Variants in C3orf33 observed in about 807,000 individuals in gnomAD.
C3orf33 encodes mitochondrial inner membrane subdomain organizer 1.
In C3orf33, 23 loss-of-function variants were observed where a neutral mutation model predicts 28.7. That is an observed-to-expected ratio of 0.80 (90% confidence interval 0.58 to 1.13). C3orf33 has a LOEUF of 1.13. C3orf33 is among the 50% of genes most tolerant of loss of function. The probability of loss-of-function intolerance (pLI) is 0.00; values close to 1 mark genes in which losing one functional copy is unlikely to be tolerated. For synonymous variants in C3orf33, 119 were observed against 120.5 expected (o/e 0.99, Z 0.08); for missense variants, 327 against 353.4 (o/e 0.93, Z 0.60).
intron 2 of C3orf33, among the ~76,000 whole-genome samples, chr3:155,785,158 CA>C (rs1187570291): frequency 1.3e-5 from 2 of 151,240 alleles, no homozygotes; most frequent in Non-Finnish European, 1.5e-5. Flanking sequence ...ATAAAATATT[CA>C]AAAAAAGCAA....
At chr3:155,776,367 TG>T (rs1750746732) in intron 2 of C3orf33, among the ~76,000 whole-genome samples, 1 of 152,204 alleles carries the variant, frequency 6.6e-6, no homozygotes, top group Non-Finnish European at 1.5e-5. Context: ...ACATTAGGAC[TG>T]TACTACAATC....
chr3:155,795,583 G>T (rs947990112), intron 2 of C3orf33, among the ~76,000 whole-genome samples: 1 of 152,088 alleles, frequency 6.6e-6, no homozygotes, highest in Non-Finnish European at 1.5e-5. Context: ...CAAACACATG[G>T]AAATTAAACA....
intron 1 of C3orf33, among the ~76,000 whole-genome samples, chr3:155,804,868 G>A (rs1402105787): frequency 6.6e-6 from 1 of 152,168 alleles, no homozygotes; most frequent in African/African-American, 2.4e-5. Flanking sequence ...ATATCCAGTT[G>A]CCAAGGACAG....
At chr3:155,785,244 T>C (rs1240750275) in intron 2 of C3orf33, among the ~76,000 whole-genome samples, 2 of 151,670 alleles carry the variant, frequency 1.3e-5, no homozygotes, top group Non-Finnish European at 2.9e-5. Context: ...AAGGGAGAAA[T>C]AGATAATTTT....
chr3:155,763,463 A>G lies in C3orf33; in HGVS notation c.*54T>C, dbSNP rs1239853284. 3.8e-6 allele frequency: 5 copies of G among 1,315,416 alleles called. No homozygotes were observed. The Admixed American group carries it at 1.7e-4, about 44-fold the overall frequency. 81.5% of individuals were successfully genotyped at this position (1,315,416 alleles called of 1,614,324 possible). A position where few individuals can be genotyped will look rare whatever the true frequency, so the allele number is the denominator to read the frequency against. On this transcript the variant is annotated 3_prime_UTR_variant, in exon 5 of 5. Coordinates refer to ENST00000340171, the MANE Select transcript of C3orf33 (RefSeq NM_001308229.2). Reference sequence around the variant, plus strand: ...TTTTGATTCAATGAAAAACGTCCATATATTTACATATTTCACTCTTTGGAG... The same window carrying G: ...TTTTGATTCAATGAAAAACGTCCATGTATTTACATATTTCACTCTTTGGAG...
chr3:155,791,294 C>A (rs918238609), intron 2 of C3orf33, among the ~76,000 whole-genome samples: 1 of 152,046 alleles, frequency 6.6e-6, no homozygotes, highest in African/African-American at 2.4e-5. Context: ...ACTCTAGAGC[C>A]CTTGGGTCTT....
chr3:155,799,970 A>G (rs1751592579), intron 2 of C3orf33, among the ~76,000 whole-genome samples: 1 of 152,330 alleles, frequency 6.6e-6, no homozygotes, highest in African/African-American at 2.4e-5. Flanking sequence ...GTATGAAAAT[A>G]TAATTAAATA....
intron 1 of C3orf33, among the ~76,000 whole-genome samples, chr3:155,803,489 G>A (rs1208588816): frequency 6.6e-5 from 10 of 150,662 alleles, no homozygotes; most frequent in Non-Finnish European, 1.2e-4. Flanking sequence ...CGTTTGAATC[G>A]GGGAGGCAGA....
At chr3:155,777,089 G>A (rs977582543) in intron 2 of C3orf33, among the ~76,000 whole-genome samples, 7 of 151,902 alleles carry the variant, frequency 4.6e-5, no homozygotes, top group African/African-American at 7.3e-5. Context: ...AGGCCGAGGC[G>A]GGAGGATCAC....
intron 1 of C3orf33, chr3:155,805,706 G>C: frequency 2.2e-6 from 1 of 454,748 alleles, no homozygotes; most frequent in Non-Finnish European, 4.4e-6. Flanking sequence ...GCTTGGGCCA[G>C]AGAGGAATAC....
At chr3:155,770,942 G>C (rs1280606169) in intron 3 of C3orf33, among the ~76,000 whole-genome samples, 1 of 146,456 alleles carries the variant, frequency 6.8e-6, no homozygotes, top group Non-Finnish European at 1.5e-5. Flanking sequence ...CCAAAGTGCT[G>C]GGATTACAGG....
At chr3:155,779,797 T>C (rs1222486504) in intron 2 of C3orf33, among the ~76,000 whole-genome samples, 1 of 152,246 alleles carries the variant, frequency 6.6e-6, no homozygotes, top group Non-Finnish European at 1.5e-5. Context: ...TCTGGTGTGT[T>C]TTCTTACAAT....
At chr3:155,804,474 G>T (rs1164546819) in intron 1 of C3orf33, among the ~76,000 whole-genome samples, 1 of 152,182 alleles carries the variant, frequency 6.6e-6, no homozygotes, top group South Asian at 2.1e-4. Flanking sequence ...CTACAATGAT[G>T]AGTGAAAACA....
chr3:155,778,910 G>A (rs1209574773), intron 2 of C3orf33, among the ~76,000 whole-genome samples: 2 of 152,180 alleles, frequency 1.3e-5, no homozygotes, highest in African/African-American at 2.4e-5. Flanking sequence ...AGAATGGCTG[G>A]TTGTTTGGAA....
At chr3:155,805,158 TAAAAAA>T (rs57906262) in intron 1 of C3orf33, among the ~76,000 whole-genome samples, 5 of 141,736 alleles carry the variant, frequency 3.5e-5, no homozygotes, top group South Asian at 2.2e-4. Context: ...GTGCTTCACT[TAAAAAA>T]AAAAAAAAAA....
At chr3:155,783,070 C>G (rs1695518) in intron 2 of C3orf33, among the ~76,000 whole-genome samples, 30,610 of 152,000 alleles carry the variant, frequency 0.2, 3,637 homozygotes, top group East Asian at 0.49. Context: ...ACAGCCAATA[C>G]TGGTATCCTG....
chr3:155,768,290 A>C (rs1433662588), intron 3 of C3orf33, among the ~76,000 whole-genome samples: 1 of 152,208 alleles, frequency 6.6e-6, no homozygotes, highest in Non-Finnish European at 1.5e-5. Context: ...ATAAAGCTAT[A>C]GGCCTTCAGT....
chr3:155,782,525 G>GCTTT (rs770049457), intron 2 of C3orf33, among the ~76,000 whole-genome samples: 10 of 152,124 alleles, frequency 6.6e-5, no homozygotes, highest in African/African-American at 2.4e-4. Context: ...TCACATAAAA[G>GCTTT]GATCCTTAAT....
intron 3 of C3orf33, among the ~76,000 whole-genome samples, chr3:155,768,498 C>T (rs2109251203): frequency 6.6e-6 from 1 of 152,196 alleles, no homozygotes; most frequent in African/African-American, 2.4e-5. Context: ...GACCTGTTTA[C>T]CCAAACCCTT....
Sources: allele counts gnomAD v4.1 joint callset (sites outside exome capture counted in the v4.1 genomes callset), GRCh38; gene constraint gnomAD v4.1.1; transcripts MANE v1.5; gene names NCBI Gene and HGNC (gene_info 2026-07-23, HGNC 2026-07-21).